ZNF385D: variants seen among roughly 807,000 people sequenced by gnomAD.
ZNF385D encodes the protein zinc finger protein 659.
In ZNF385D, 15 loss-of-function variants were observed where a neutral mutation model predicts 35.8. The observed-to-expected ratio is 0.42, with a 90% CI of 0.28 to 0.64. The LOEUF (loss-of-function observed/expected upper bound fraction) is 0.64, where lower values mean the gene tolerates loss of function less well. ZNF385D is among the 30% of genes least tolerant of loss of function. The pLI, the probability that ZNF385D is intolerant of heterozygous loss-of-function variation, is 0.23. For synonymous variants in ZNF385D, 212 were observed against 186.8 expected, an observed-to-expected ratio of 1.13 and a Z score of -1.10; for missense variants, 474 against 494.6, an observed-to-expected ratio of 0.96 and a Z score of 0.39.
chr3:22,144,466 G>A (rs1339338014), intron 3 of ZNF385D, among the ~76,000 whole-genome samples: 1 of 149,766 alleles, frequency 6.7e-6, no homozygotes, highest in East Asian at 2.0e-4. Flanking sequence ...TCGAGCTACT[G>A]CGGAGGCTAA....
At chr3:21,633,819 G>A (rs1014682790) in intron 2 of ZNF385D, among the ~76,000 whole-genome samples, 22 of 151,860 alleles carry the variant, frequency 1.4e-4, no homozygotes, top group African/African-American at 5.1e-4. Context: ...TATTTATAAC[G>A]TATTTATAAA....
At chr3:21,686,267 G>T (rs1294959557) in intron 1 of ZNF385D, among the ~76,000 whole-genome samples, 2 of 152,078 alleles carry the variant, frequency 1.3e-5, no homozygotes, top group Non-Finnish European at 2.9e-5. Context: ...AATTGTTATT[G>T]TGTTTGGATT....
chr3:22,347,041 G>T (rs1302471212), intron 2 of ZNF385D, among the ~76,000 whole-genome samples: 2 of 152,076 alleles, frequency 1.3e-5, no homozygotes, highest in Non-Finnish European at 2.9e-5. Context: ...TACAAACAAA[G>T]AGTAAAACTT....
intron 3 of ZNF385D, among the ~76,000 whole-genome samples, chr3:22,082,605 A>G (rs1700810099): frequency 6.6e-6 from 1 of 152,004 alleles, no homozygotes; most frequent in Admixed American, 6.6e-5. Context: ...GCCTCTGCAG[A>G]CTCCACCTCT....
intron 3 of ZNF385D, among the ~76,000 whole-genome samples, chr3:21,908,795 A>T (rs1049003476): frequency 3.3e-5 from 5 of 152,122 alleles, no homozygotes; most frequent in African/African-American, 1.2e-4. Flanking sequence ...CTTTAAAAAA[A>T]ACAACAACCT....
At chr3:21,869,348 A>G (rs1382105961) in intron 3 of ZNF385D, among the ~76,000 whole-genome samples, 3 of 152,132 alleles carry the variant, frequency 2.0e-5, no homozygotes, top group Non-Finnish European at 4.4e-5. Flanking sequence ...TTTTTGTAGC[A>G]GTATATGTAT....
intron 3 of ZNF385D, among the ~76,000 whole-genome samples, chr3:21,791,527 G>C (rs73820139): frequency 0.023 from 3,553 of 152,264 alleles, 132 homozygotes; most frequent in African/African-American, 0.078. Flanking sequence ...TCAATTTCCT[G>C]TCCTGCTTTG....
chr3:21,874,687 T>C (rs749029572), intron 3 of ZNF385D, among the ~76,000 whole-genome samples: 1 of 152,126 alleles, frequency 6.6e-6, no homozygotes, highest in African/African-American at 2.4e-5. Flanking sequence ...TCTAGCTTTG[T>C]TCTTTTTCAA....
In ZNF385D at chr3:22,146,438, T is replaced by A. The variant is rs552084175; in HGVS notation, c.325+22379A>T. Among the ~76,000 whole-genome samples the A allele has an allele frequency of 2.6e-5, 4 of 152,288 alleles. No homozygotes were observed. In the South Asian group the frequency reaches 8.3e-4, roughly 32 times the overall value. The stretch of plus-strand genomic sequence containing the variant: ...TTGTATGTTTTTGTTTGCTTTCCCC[T>A]TTGTCTTAAAGATTGTGACTAGAAT... On this transcript the variant is annotated intron_variant, in intron 3 of 5. Coordinates refer to the ZNF385D transcript ENST00000494108.
intron 3 of ZNF385D, among the ~76,000 whole-genome samples, chr3:22,020,604 T>C (rs933583310): frequency 6.6e-6 from 1 of 151,952 alleles, no homozygotes; most frequent in Non-Finnish European, 1.5e-5. Flanking sequence ...AGTAAGGCTA[T>C]TATTAAAAAG....
intron 3 of ZNF385D, among the ~76,000 whole-genome samples, chr3:22,093,436 A>G (rs982488612): frequency 7.2e-5 from 11 of 151,916 alleles, no homozygotes; most frequent in Admixed American, 1.3e-4. Flanking sequence ...AATTTAAAAA[A>G]GTTAAAGGAA....
At chr3:21,981,660 T>G (rs191504369) in intron 3 of ZNF385D, among the ~76,000 whole-genome samples, 1 of 152,332 alleles carries the variant, frequency 6.6e-6, no homozygotes, top group Admixed American at 6.5e-5. Flanking sequence ...AGGGTGGTAT[T>G]GCCTAGATTG....
chr3:21,618,510 C>G (rs1387295090), intron 2 of ZNF385D, among the ~76,000 whole-genome samples: 2 of 152,104 alleles, frequency 1.3e-5, no homozygotes, highest in Non-Finnish European at 2.9e-5. Context: ...TGTTATAGCA[C>G]TCCTAGAAAA....
intron 3 of ZNF385D, among the ~76,000 whole-genome samples, chr3:21,779,410 G>C (rs1575635558): frequency 6.6e-6 from 1 of 151,490 alleles, no homozygotes. Flanking sequence ...AAAATGTGAG[G>C]AAAAAAACAT....
At chr3:22,002,938 G>C (rs1469761768) in intron 3 of ZNF385D, among the ~76,000 whole-genome samples, 2 of 151,930 alleles carry the variant, frequency 1.3e-5, no homozygotes, top group Admixed American at 1.3e-4. Context: ...AATAATAAAG[G>C]TCATATATGA....
chr3:21,529,811 C>A (rs1375611288), intron 3 of ZNF385D, among the ~76,000 whole-genome samples: 1 of 152,162 alleles, frequency 6.6e-6, no homozygotes, highest in Non-Finnish European at 1.5e-5. Flanking sequence ...GCTTTCCTTT[C>A]TATGGATTAT....
At chr3:21,603,001 T>C (rs932576123) in intron 2 of ZNF385D, among the ~76,000 whole-genome samples, 3 of 152,210 alleles carry the variant, frequency 2.0e-5, no homozygotes, top group Non-Finnish European at 4.4e-5. Flanking sequence ...CTTGCTTCTT[T>C]TATGCCTCTG....
chr3:22,119,109 G>A (rs1194290567), intron 3 of ZNF385D, among the ~76,000 whole-genome samples: 2 of 152,110 alleles, frequency 1.3e-5, no homozygotes, highest in Non-Finnish European at 2.9e-5. Context: ...ACAAAGCCCA[G>A]GGATAGGACG....
chr3:22,070,660 A>G (rs1012700385), intron 3 of ZNF385D, among the ~76,000 whole-genome samples: 16 of 152,180 alleles, frequency 1.1e-4, no homozygotes, highest in African/African-American at 3.9e-4. Context: ...ACATGAGAAA[A>G]TAGTAAATAA....
Sources: allele counts gnomAD v4.1 joint callset (sites outside exome capture counted in the v4.1 genomes callset), GRCh38; gene constraint gnomAD v4.1.1; transcripts MANE v1.5; gene names NCBI Gene and HGNC (gene_info 2026-07-23, HGNC 2026-07-21).